Variants in MMD observed in about 807,000 individuals in gnomAD.
The protein encoded by MMD is monocyte to macrophage differentiation factor.
MMD carries 22 observed loss-of-function variants against 33.6 expected under a neutral mutation model. The observed-to-expected ratio is 0.66, with a 90% CI of 0.47 to 0.94. MMD has a LOEUF of 0.94. Ranked by LOEUF, MMD falls within the 40% of genes least tolerant of loss-of-function variation. The pLI is 0.00. For synonymous variants in MMD, 97 were observed against 103.2 expected (o/e 0.94, Z 0.36); for missense variants, 242 against 309.8 (o/e 0.78, Z 1.64).
intron 4 of MMD, among the ~76,000 whole-genome samples, chr17:55,404,143 T>A (rs1907450266): frequency 6.6e-6 from 1 of 151,996 alleles, no homozygotes; most frequent in Non-Finnish European, 1.5e-5. Flanking sequence ...TCACTTGAGG[T>A]CAGGAGTTCA....
chr17:55,415,175 G>A (rs559220684), intron 1 of MMD, among the ~76,000 whole-genome samples: 1 of 151,920 alleles, frequency 6.6e-6, no homozygotes, highest in East Asian at 1.9e-4. Context: ...TTTCATGAGG[G>A]ACTCTGGATT....
In MMD at chr17:55,398,111, C is replaced by CAAAA. The variant is rs57881926; in HGVS notation, c.516+3354_516+3357dup. On this transcript the variant is annotated intron_variant, in intron 6 of 6. Coordinates refer to ENST00000262065, the MANE Select transcript of MMD (RefSeq NM_012329.3). Reference sequence around the variant, plus strand: ...GGAAAAGTTGTAACTATTATTTCTTCAAAAAAAAAAAAAAAAAAGAAAAGA... The same window carrying CAAAA: ...GGAAAAGTTGTAACTATTATTTCTTCAAAAAAAAAAAAAAAAAAAAAAGAAAAGA... Among the ~76,000 whole-genome samples, 1,259 of 132,030 alleles carry CAAAA rather than the reference C, an allele frequency of 9.5e-3. 22 individuals carry two copies. Among genetic ancestry groups the CAAAA allele is most frequent in the African/African-American group, 0.034 (1,205 of 35,534 alleles). 86.6% of individuals were successfully genotyped at this position (132,030 alleles called of 152,430 possible).
At chr17:55,410,613 A>G (rs1291967239) in intron 3 of MMD, among the ~76,000 whole-genome samples, 5 of 152,164 alleles carry the variant, frequency 3.3e-5, no homozygotes, top group Admixed American at 1.3e-4. Context: ...AAATACGTGA[A>G]CTCTGTTTGA....
At chr17:55,405,801 TAGTC>T (rs1907521487) in intron 4 of MMD, among the ~76,000 whole-genome samples, 1 of 152,236 alleles carries the variant, frequency 6.6e-6, no homozygotes, top group Non-Finnish European at 1.5e-5. Context: ...GATGCTGCAT[TAGTC>T]AGAATCTAGA....
chr17:55,415,592 C>T (rs1392419464), intron 1 of MMD, among the ~76,000 whole-genome samples: 1 of 152,084 alleles, frequency 6.6e-6, no homozygotes, highest in Non-Finnish European at 1.5e-5. Flanking sequence ...AATAAAAGAC[C>T]AGCCAATACT....
intron 3 of MMD, 129 bp from the exon 4 acceptor site, chr17:55,407,949 G>A: frequency 1.6e-6 from 1 of 612,514 alleles, no homozygotes; most frequent in Non-Finnish European, 2.7e-6. Context: ...GTTCTTCCAA[G>A]GTTACACAGA....
intron 4 of MMD, among the ~76,000 whole-genome samples, chr17:55,405,174 CCTGA>C (rs1453265197): frequency 6.6e-6 from 1 of 151,556 alleles, no homozygotes; most frequent in Non-Finnish European, 1.5e-5. Flanking sequence ...TGGAGACCAG[CCTGA>C]CTAACATGGT....
rs1907022258 is a variant in MMD at position 55,394,359 on chromosome 17, G to C, written c.692C>G (p.Pro231Arg). ...YAIWKYLYRSPTDFMRHL is the reference protein window; with the variant it reads ...YAIWKYLYRSRTDFMRHL Reference sequence around the variant, plus strand: ...TCATAAATGCCGCATAAAGTCCGTAGGACTTCGGTAAAGGTATTTCCAAAT... The same window carrying C: ...TCATAAATGCCGCATAAAGTCCGTACGACTTCGGTAAAGGTATTTCCAAAT... The change falls in exon 7 of 7, where the codon CCT (proline) becomes CGT (arginine). Residue 231 changes from proline to arginine, a missense_variant. Coordinates refer to ENST00000262065, the MANE Select transcript of MMD (RefSeq NM_012329.3). The C allele has an allele frequency of 7.1e-7, 1 of 1,406,706 alleles. No homozygotes were observed. Among genetic ancestry groups the C allele is most frequent in the African/African-American group, 1.5e-5 (1 of 67,376 alleles). 87.1% of individuals were successfully genotyped at this position (1,406,706 alleles called of 1,614,324 possible).
chr17:55,397,610 C>T (rs1227764789), intron 6 of MMD, among the ~76,000 whole-genome samples: 2 of 151,936 alleles, frequency 1.3e-5, no homozygotes, highest in Non-Finnish European at 2.9e-5. Flanking sequence ...CTACAACCTC[C>T]TACAACCTCC....
At chr17:55,413,237 C>T (rs895545984) in intron 2 of MMD, among the ~76,000 whole-genome samples, 13 of 152,284 alleles carry the variant, frequency 8.5e-5, no homozygotes, top group Non-Finnish European at 1.3e-4. Flanking sequence ...TAGCCTGTTC[C>T]AAACACTCAT....
intron 3 of MMD, among the ~76,000 whole-genome samples, chr17:55,409,458 T>C (rs1277378509): frequency 6.6e-6 from 1 of 152,200 alleles, no homozygotes; most frequent in African/African-American, 2.4e-5. Flanking sequence ...GCCACCGACC[T>C]CTCTGACTCT....
In MMD at chr17:55,394,143, CT is replaced by C. The variant is rs1907014530; in HGVS notation, c.*190del. 1 of 409,856 alleles carries C rather than the reference CT, an allele frequency of 2.4e-6. No homozygotes were observed. Among genetic ancestry groups the C allele is most frequent in the African/African-American group, 2.1e-5 (1 of 48,700 alleles). The allele number at this position is 409,856 out of a possible 1,614,324, so 25.4% of individuals were successfully genotyped here. ...TGGAATGGAATGAATAATTAATTCA[CT>C]ACCTTATTTATTTGCTGTGAGGCAG... On this transcript the variant is annotated 3_prime_UTR_variant, in exon 7 of 7. Coordinates refer to ENST00000262065, the MANE Select transcript of MMD (RefSeq NM_012329.3).
At chr17:55,411,930 C>T (rs558806480) in intron 2 of MMD, among the ~76,000 whole-genome samples, 33 of 151,962 alleles carry the variant, frequency 2.2e-4, no homozygotes, top group African/African-American at 6.8e-4. Flanking sequence ...TTAAAAAATT[C>T]GCCAGGCATG....
At chr17:55,410,962 T>C (rs915391695) in intron 3 of MMD, among the ~76,000 whole-genome samples, 1 of 152,216 alleles carries the variant, frequency 6.6e-6, no homozygotes, top group Admixed American at 6.5e-5. Flanking sequence ...GTGTGCTTGA[T>C]AGTACTGGAA....
chr17:55,398,925 A>T (rs1236674512), intron 6 of MMD, among the ~76,000 whole-genome samples: 1 of 152,178 alleles, frequency 6.6e-6, no homozygotes, highest in East Asian at 1.9e-4. Context: ...TTGCAACTGG[A>T]GCTTGCAGAG....
rs535158646 is a variant in MMD at position 55,413,456 on chromosome 17, G to GAC, written c.108+693_108+694dup. Among the ~76,000 whole-genome samples the GAC allele has an allele frequency of 2.1e-4, 32 of 151,936 alleles. No individual in the cohort carries two copies. The South Asian group carries it at 6.2e-3, about 30-fold the overall frequency. On this transcript the variant is annotated intron_variant, in intron 2 of 6. Transcript: ENST00000262065. ...TATTCACAAACACCCCCAACACAGA[G>GAC]ACACACATATACACACACACATACA...
intron 5 of MMD, among the ~76,000 whole-genome samples, chr17:55,403,437 T>G (rs1002244329): frequency 2.0e-5 from 3 of 152,186 alleles, no homozygotes; most frequent in Non-Finnish European, 4.4e-5. Context: ...CCTTGACAAG[T>G]GGCTGGTTTT....
intron 1 of MMD, among the ~76,000 whole-genome samples, chr17:55,419,609 ACT>A (rs979051672): frequency 6.9e-6 from 1 of 144,858 alleles, no homozygotes; most frequent in Non-Finnish European, 1.6e-5. Flanking sequence ...GAATAGTACT[ACT>A]CTCAGCATTT....
rs897655072 is a variant in MMD, at chr17:55,393,410, G to C, written c.*924C>G. 1.1e-4 allele frequency: 17 copies of C among 152,624 alleles called. No homozygotes were observed. Among genetic ancestry groups the C allele is most frequent in the African/African-American group, 4.1e-4 (17 of 41,534 alleles). The allele number at this position is 152,624 out of a possible 1,614,324, so 9.5% of individuals were successfully genotyped here. A position where few individuals can be genotyped will look rare whatever the true frequency, so the allele number is the denominator to read the frequency against. ...TGGGCACCAAACAGGCAATACAACT[G>C]CTCACTGTAATACATAATGCTCTTC... On this transcript the variant is annotated 3_prime_UTR_variant, in exon 7 of 7. Coordinates refer to ENST00000262065, the MANE Select transcript of MMD (RefSeq NM_012329.3).
Sources: gnomAD v4.1 joint callset for allele counts (sites outside exome capture counted in the v4.1 genomes callset) on GRCh38, gnomAD v4.1.1 for gene constraint, MANE v1.5 for transcripts, NCBI Gene and HGNC (gene_info 2026-07-23, HGNC 2026-07-21) for gene names.